Variants in DLEC1 observed in about 807,000 individuals in gnomAD.
The protein encoded by DLEC1 is deleted in lung and esophageal cancer protein 1.
A neutral mutation model predicts 198.1 loss-of-function variants in DLEC1; 146 were observed. The observed-to-expected ratio is 0.74, with a 90% CI of 0.64 to 0.85. The LOEUF is 0.85. Among genes scored for constraint, DLEC1 ranks in the 40% least tolerant of loss-of-function variants. The probability of loss-of-function intolerance (pLI) is 0.00; values close to 1 mark genes in which losing one functional copy is unlikely to be tolerated. For synonymous variants in DLEC1, 897 were observed against 866.8 expected, an observed-to-expected ratio of 1.03 and a Z score of -0.61; for missense variants, 2,233 against 2,220.0, an observed-to-expected ratio of 1.01 and a Z score of -0.12.
At chr3:38,042,889 C>T (rs1185352698) in intron 1 of DLEC1, among the ~76,000 whole-genome samples, 1 of 152,154 alleles carries the variant, frequency 6.6e-6, no homozygotes, top group Non-Finnish European at 1.5e-5. Context: ...TCCTCTCCCT[C>T]TTTCCTTTTT....
At chr3:38,074,898 G>A (rs1193212494) in intron 6 of DLEC1, among the ~76,000 whole-genome samples, 1 of 152,188 alleles carries the variant, frequency 6.6e-6, no homozygotes, top group Admixed American at 6.5e-5. Flanking sequence ...AGAGAAAAAG[G>A]TACATGTACC....
rs55871719 is a variant in DLEC1 at position 38,046,388 on chromosome 3, T to C, written c.562+695T>C. Among the ~76,000 whole-genome samples, 834 of 152,290 alleles carry C rather than the reference T, an allele frequency of 5.5e-3. 5 individuals carry two copies. The highest frequency in any genetic ancestry group is 0.019 in the African/African-American group (794 of 41,554). ...TCATGGGGGCAGGTTTTTCCCTTGC[T>C]ATTCTCATGATAGTGAGTAAGTCTG... is the stretch of plus-strand genomic sequence containing the variant. On this transcript the variant is annotated intron_variant, in intron 2 of 36. Coordinates refer to ENST00000308059, the MANE Select transcript of DLEC1 (RefSeq NM_007335.4).
chr3:38,039,382 G>A lies in DLEC1; in HGVS notation c.157G>A (p.Glu53Lys), dbSNP rs761609211. 3.7e-6 allele frequency: 6 copies of A among 1,614,078 alleles called. No individual in the cohort carries two copies. The Admixed American group carries it at 8.3e-5, about 22-fold the overall frequency. Reference protein sequence around the residue: ...SSLYSSLAYSEAFHYSFAARP... With the variant: ...SSLYSSLAYSKAFHYSFAARP... ...CTTGTATTCCTCCCTCGCCTACTCT[G>A]AGGCCTTCCACTACAGCTTCGCAGC... is the stretch of plus-strand genomic sequence containing the variant. Residue 53 changes from glutamate to lysine, a missense_variant, in exon 1 of 37, where the codon GAG becomes AAG. Glu to Lys is a moderately conservative substitution (Grantham distance 56, BLOSUM62 1). Coordinates refer to ENST00000308059, the MANE Select transcript of DLEC1 (RefSeq NM_007335.4).
At position 38,107,594 on chromosome 3, in the gene DLEC1, G is replaced by A; in HGVS notation, c.2875G>A (p.Val959Met). The change falls in exon 20 of 37, where the codon GTG becomes ATG. Residue 959 changes from valine (V) to methionine (M), a missense_variant. Coordinates refer to ENST00000308059, the MANE Select transcript of DLEC1 (RefSeq NM_007335.4). ...TTCCTCGTGTTCCAGCTACCTTCCT[G>A]TGTATGCTGAGGTACAGAAGCCCCA... ...VENGAWSYLP[V>M]YAEVQKPHVY... The A allele has an allele frequency of 6.2e-7, 1 of 1,609,174 alleles. No individual in the cohort carries two copies. Among genetic ancestry groups the A allele is most frequent in the Non-Finnish European group, 8.5e-7 (1 of 1,177,328 alleles).
At chr3:38,102,122 C>T (rs1282370837) in intron 19 of DLEC1, among the ~76,000 whole-genome samples, 1 of 152,138 alleles carries the variant, frequency 6.6e-6, no homozygotes, top group Non-Finnish European at 1.5e-5. Flanking sequence ...TCTCTACCTC[C>T]ATCCCAGCCC....
chr3:38,048,298 G>A (rs559832898), intron 2 of DLEC1, among the ~76,000 whole-genome samples: 2 of 152,232 alleles, frequency 1.3e-5, no homozygotes, highest in African/African-American at 4.8e-5. Context: ...ACCTTGACCT[G>A]TTCTCCTGAA....
Position 38,097,773 on chromosome 3 carries a change from C to T in DLEC1, c.2595C>T (p.Ala865=). 1 of 1,614,086 alleles carries T rather than the reference C, an allele frequency of 6.2e-7. No individual in the cohort carries two copies. The highest frequency in any genetic ancestry group is 1.7e-5 in the Admixed American group (1 of 60,016). ...KGPALIINVS[A]LQFGLLRLGQ... is the part of the protein sequence containing the mutation. ...CTGCCCTCATCATCAACGTCTCAGC[C>T]CTTCAGTTTGGTCTGCTCCGCCTGG... Residue 865 remains alanine (A), a synonymous_variant, in exon 18 of 37, where the codon GCC becomes GCT. Coordinates refer to ENST00000308059, the MANE Select transcript of DLEC1 (RefSeq NM_007335.4).
In DLEC1 at chr3:38,095,939, C is replaced by A. The variant is rs751564806; in HGVS notation, c.2164C>A (p.Pro722Thr). The change falls in exon 14 of 37, where the codon CCT becomes ACT. Residue 722 changes from proline (P) to threonine (T), a missense_variant. Pro to Thr is a conservative substitution (Grantham distance 38). Coordinates refer to ENST00000308059, the MANE Select transcript of DLEC1 (RefSeq NM_007335.4). ...GATGGTGCTAGAGGAAGTCCCAGAGCCTGTAAGGTGAGAGAAACTGGGCCC... is the reference window on the plus strand; with the variant it reads ...GATGGTGCTAGAGGAAGTCCCAGAGACTGTAAGGTGAGAGAAACTGGGCCC... Reference protein sequence around the residue: ...LQMVLEEVPEPVSSEAESLGH... With the variant: ...LQMVLEEVPETVSSEAESLGH... 1.2e-6 allele frequency: 2 copies of A among 1,613,632 alleles called. No homozygotes were observed. The highest frequency in any genetic ancestry group is 1.1e-5 in the South Asian group (1 of 91,048).
intron 9 of DLEC1, 131 bp downstream of exon 9, chr3:38,086,508 A>G: frequency 4.9e-6 from 6 of 1,230,728 alleles, no homozygotes; most frequent in Non-Finnish European, 6.7e-6. Flanking sequence ...CTCTCTATGC[A>G]ACTGCCACAA....
intron 23 of DLEC1, among the ~76,000 whole-genome samples, chr3:38,110,993 C>A (rs1192777920): frequency 2.0e-5 from 3 of 152,146 alleles, no homozygotes; most frequent in Non-Finnish European, 2.9e-5. Flanking sequence ...TACACACACA[C>A]CCACATACAC....
chr3:38,091,938 T>A (rs756494118), intron 10 of DLEC1, among the ~76,000 whole-genome samples: 2 of 152,190 alleles, frequency 1.3e-5, no homozygotes, highest in African/African-American at 2.4e-5. Context: ...TGGAAAATAA[T>A]ATGGAGTTCC....
chr3:38,122,535 G>A lies in DLEC1; in HGVS notation c.*123G>A, dbSNP rs748492788. ...ACCTGGGGACCTCTGGGCAGCTCCT[G>A]GAATGGAAGAACCCCCTTCCACAAT... On this transcript the variant is annotated 3_prime_UTR_variant, in exon 37 of 37. Coordinates refer to ENST00000308059, the MANE Select transcript of DLEC1 (RefSeq NM_007335.4). 5.6e-6 allele frequency: 9 copies of A among 1,610,954 alleles called. No homozygotes were observed. In the Admixed American group the frequency reaches 1.0e-4, roughly 18 times the overall value.
At chr3:38,090,440 A>G (rs748003693) in intron 10 of DLEC1, among the ~76,000 whole-genome samples, 6 of 152,146 alleles carry the variant, frequency 3.9e-5, no homozygotes, top group Non-Finnish European at 8.8e-5. Flanking sequence ...ACTTAACTCT[A>G]TATCTTAGAG....
intron 3 of DLEC1, among the ~76,000 whole-genome samples, chr3:38,061,657 A>G (rs1028407788): frequency 2.0e-5 from 3 of 151,940 alleles, no homozygotes; most frequent in African/African-American, 7.3e-5. Context: ...CTAGTCCTAA[A>G]TTTTGTTGTT....
At chr3:38,068,519 G>T (rs79037376) in intron 6 of DLEC1, among the ~76,000 whole-genome samples, 2 of 152,232 alleles carry the variant, frequency 1.3e-5, no homozygotes, top group Non-Finnish European at 2.9e-5. Context: ...GCGTGAGCCA[G>T]TGTCCAGCCT....
intron 8 of DLEC1, among the ~76,000 whole-genome samples, 163 bp downstream of exon 8, chr3:38,085,610 CCA>C (rs1271975729): frequency 6.6e-6 from 1 of 152,092 alleles, no homozygotes; most frequent in Non-Finnish European, 1.5e-5. Context: ...CTGTAGCCAT[CCA>C]CAGTGTCAAG....
chr3:38,102,979 T>G (rs1370068612), intron 19 of DLEC1: 1 of 152,208 alleles, frequency 6.6e-6, no homozygotes, highest in Non-Finnish European at 1.5e-5. Context: ...TTCTTAATTT[T>G]CAATTTTAAT....
At chr3:38,094,795 T>C (rs1559440967) in intron 12 of DLEC1, 84 bp from the exon 13 acceptor site, 10 of 1,488,172 alleles carry the variant, frequency 6.7e-6, no homozygotes, top group Non-Finnish European at 7.3e-6. Flanking sequence ...CTGCTCCCTC[T>C]TGGAGCAGGG....
chr3:38,073,785 AAAG>A, intron 6 of DLEC1, among the ~76,000 whole-genome samples: 1 of 152,144 alleles, frequency 6.6e-6, no homozygotes, highest in East Asian at 1.9e-4. Context: ...AGGCCTTTGA[AAAG>A]AAGGCAACAT....
Sources: allele counts gnomAD v4.1 joint callset (sites outside exome capture counted in the v4.1 genomes callset), GRCh38; gene constraint gnomAD v4.1.1; transcripts MANE v1.5; gene names NCBI Gene and HGNC (gene_info 2026-07-23, HGNC 2026-07-21).